ADD1: variants seen among roughly 807,000 people sequenced by gnomAD.
The protein encoded by ADD1 is alpha-adducin.
ADD1 carries 24 observed loss-of-function variants against 80.5 expected under a neutral mutation model. The observed-to-expected ratio is 0.30, with a 90% confidence interval of 0.22 to 0.42. The LOEUF (loss-of-function observed/expected upper bound fraction) is 0.42, where lower values mean the gene tolerates loss of function less well. ADD1 is among the 10% of genes least tolerant of loss of function. ADD1 has a pLI of 1.00. For missense variants in ADD1, 948 were observed against 1,019.0 expected, an observed-to-expected ratio of 0.93 and a Z score of 0.95; for synonymous variants, 373 against 393.8, an observed-to-expected ratio of 0.95 and a Z score of 0.63.
At chr4:2,877,458 T>C (rs1246267856) in intron 2 of ADD1, among the ~76,000 whole-genome samples, 4 of 151,996 alleles carry the variant, frequency 2.6e-5, no homozygotes, top group Non-Finnish European at 5.9e-5. Flanking sequence ...GTATATAGCT[T>C]GGTGAATTTT....
intron 15 of ADD1, among the ~76,000 whole-genome samples, chr4:2,927,884 G>A (rs1054867746): frequency 1.3e-5 from 2 of 152,176 alleles, no homozygotes; most frequent in African/African-American, 4.8e-5. Flanking sequence ...TTGTGCTGCA[G>A]TCTGTCTTTC....
chr4:2,889,732 G>T lies in ADD1; in HGVS notation c.511-4281G>T, dbSNP rs1383562652. ...AGTTGCTGGGGAGGCTGAGACAGGAGAATTGCTTGAACCCTAGAGGCAGAG... is the reference window on the plus strand; with the variant it reads ...AGTTGCTGGGGAGGCTGAGACAGGATAATTGCTTGAACCCTAGAGGCAGAG... On this transcript the variant is annotated intron_variant, in intron 4 of 15. Coordinates refer to ENST00000683351, the MANE Select transcript of ADD1 (RefSeq NM_001354761.2). Among the ~76,000 whole-genome samples the T allele has an allele frequency of 3.9e-5, 6 of 152,192 alleles. 1 individual carries two copies. The highest frequency in any genetic ancestry group is 1.4e-4 in the African/African-American group (6 of 41,508).
intron 1 of ADD1, among the ~76,000 whole-genome samples, chr4:2,872,607 G>A (rs886375674): frequency 6.6e-6 from 1 of 152,206 alleles, no homozygotes; most frequent in Non-Finnish European, 1.5e-5. Context: ...ACCCATGCTG[G>A]AGTGTAGTGG....
intron 6 of ADD1, among the ~76,000 whole-genome samples, chr4:2,895,827 T>C (rs1577611546): frequency 6.6e-6 from 1 of 152,240 alleles, no homozygotes; most frequent in Non-Finnish European, 1.5e-5. Context: ...ATCACCAATT[T>C]TATATAAGGA....
At chr4:2,846,905 C>T (rs1726299333) in intron 1 of ADD1, among the ~76,000 whole-genome samples, 1 of 151,072 alleles carries the variant, frequency 6.6e-6, no homozygotes, top group Non-Finnish European at 1.5e-5. Context: ...ATCATGAGGT[C>T]AGGAGATCGA....
intron 1 of ADD1, among the ~76,000 whole-genome samples, chr4:2,869,331 C>T (rs1205057706): frequency 1.3e-5 from 2 of 152,148 alleles, no homozygotes; most frequent in African/African-American, 4.8e-5. Flanking sequence ...CAGTCCTTGG[C>T]GTTTCTTGGC....
intron 4 of ADD1, among the ~76,000 whole-genome samples, chr4:2,885,813 T>C (rs1733214367): frequency 6.6e-6 from 1 of 152,000 alleles, no homozygotes; most frequent in Admixed American, 6.5e-5. Flanking sequence ...GGTTTCACCG[T>C]GTTAGCCAGG....
Position 2,898,494 on chromosome 4 carries a change from A to T in ADD1, c.947A>T (p.Tyr316Phe), listed in dbSNP as rs372777117. 9 of 1,614,004 alleles carry T rather than the reference A, an allele frequency of 5.6e-6. No individual in the cohort carries two copies. In the African/African-American group the frequency reaches 8.0e-5, roughly 14 times the overall value. ...SVGESVEEAF[Y>F]YIHNLVVACE... is the part of the protein sequence containing the mutation. ...GGAGAGAGCGTTGAGGAGGCCTTCT[A>T]TTACATCCATAACCTTGTGGTTGCC... Residue 316 changes from tyrosine (Y) to phenylalanine (F), a missense_variant, in exon 8 of 16, where the codon TAT becomes TTT. Physicochemically the swap from Tyr to Phe is conservative, Grantham distance 22 (BLOSUM62 3). Coordinates refer to ENST00000683351, the MANE Select transcript of ADD1 (RefSeq NM_001354761.2).
intron 1 of ADD1, among the ~76,000 whole-genome samples, chr4:2,848,852 A>C (rs1726650120): frequency 6.6e-6 from 1 of 152,176 alleles, no homozygotes. Flanking sequence ...TATGAGGTAC[A>C]TCTATAAATA....
chr4:2,883,277 A>G (rs1269003402), intron 3 of ADD1, among the ~76,000 whole-genome samples: 2 of 151,894 alleles, frequency 1.3e-5, no homozygotes, highest in Non-Finnish European at 2.9e-5. Flanking sequence ...TTCCGAAATA[A>G]TAAGTTGGTT....
chr4:2,854,010 A>G (rs1199402303), intron 1 of ADD1, among the ~76,000 whole-genome samples: 2 of 152,158 alleles, frequency 1.3e-5, no homozygotes, highest in Non-Finnish European at 2.9e-5. Flanking sequence ...ATGAATGTTT[A>G]TAAACATTCC....
At chr4:2,916,758 C>A (rs563448144) in intron 14 of ADD1, among the ~76,000 whole-genome samples, 1 of 152,268 alleles carries the variant, frequency 6.6e-6, no homozygotes, top group East Asian at 1.9e-4. Context: ...ATTGTTCAAT[C>A]CCCACTTATG....
chr4:2,871,483 A>G (rs1730448322), intron 1 of ADD1, among the ~76,000 whole-genome samples: 1 of 152,250 alleles, frequency 6.6e-6, no homozygotes. Context: ...ATGTTAAGAT[A>G]GCTGTTCATC....
At chr4:2,852,253 C>CTCTT (rs1280787893) in intron 1 of ADD1, among the ~76,000 whole-genome samples, 3 of 126,012 alleles carry the variant, frequency 2.4e-5, no homozygotes, top group Non-Finnish European at 5.1e-5. Flanking sequence ...CTTTCTCTTT[C>CTCTT]TTTCTTTCCT....
Position 2,899,854 on chromosome 4 carries a change from A to G in ADD1, c.1161+419A>G, listed in dbSNP as rs775495508. 311 of 320,146 alleles carry G rather than the reference A, an allele frequency of 9.7e-4. 3 individuals carry two copies. The highest frequency in any genetic ancestry group is 2.3e-4 in the Admixed American group (5 of 21,412). 19.8% of individuals were successfully genotyped at this position (320,146 alleles called of 1,614,324 possible). Reference sequence around the variant, plus strand: ...GGCCTGATGACTGTGTTCCATGGGTATCCACTCCCTGTCCACAGCGTGGGA... The same window carrying G: ...GGCCTGATGACTGTGTTCCATGGGTGTCCACTCCCTGTCCACAGCGTGGGA... On this transcript the variant is annotated intron_variant, in intron 9 of 15. Coordinates refer to ENST00000683351, the MANE Select transcript of ADD1 (RefSeq NM_001354761.2).
At chr4:2,874,230 A>C (rs1236930501) in intron 1 of ADD1, among the ~76,000 whole-genome samples, 6 of 151,788 alleles carry the variant, frequency 4.0e-5, no homozygotes, top group Non-Finnish European at 4.4e-5. Flanking sequence ...ACAAAGAGAA[A>C]AAAGATTCCA....
Position 2,894,113 on chromosome 4 carries a change from T to C in ADD1, c.591+20T>C, listed in dbSNP as rs1734759681. ...AGTTTGGTAAGAATGTCCTTCTCTTTGGCAGCTTGTATGTGCAGGTCATGT... is the reference window on the plus strand; with the variant it reads ...AGTTTGGTAAGAATGTCCTTCTCTTCGGCAGCTTGTATGTGCAGGTCATGT... On this transcript the variant is annotated intron_variant, in intron 5 of 15. Transcript: ENST00000683351. 3 of 1,598,484 alleles carry C rather than the reference T, an allele frequency of 1.9e-6. No individual in the cohort carries two copies. Among genetic ancestry groups the C allele is most frequent in the Non-Finnish European group, 2.6e-6 (3 of 1,165,940 alleles).
chr4:2,906,902 G>A (rs973689771), intron 10 of ADD1, among the ~76,000 whole-genome samples: 3 of 152,028 alleles, frequency 2.0e-5, no homozygotes, highest in Admixed American at 6.6e-5. Flanking sequence ...AAAGTATTCT[G>A]AAAGGCATAA....
intron 2 of ADD1, among the ~76,000 whole-genome samples, chr4:2,878,040 T>A (rs1370008594): frequency 6.6e-6 from 1 of 152,100 alleles, no homozygotes; most frequent in African/African-American, 2.4e-5. Context: ...ATGGGCTTGA[T>A]GAGCCCACAG....
Sources: allele counts gnomAD v4.1 joint callset (sites outside exome capture counted in the v4.1 genomes callset), GRCh38; gene constraint gnomAD v4.1.1; transcripts MANE v1.5; gene names NCBI Gene and HGNC (gene_info 2026-07-23, HGNC 2026-07-21).